Variants in CRMP1 observed in about 807,000 individuals in gnomAD.
CRMP1 encodes dihydropyrimidinase-related protein 1.
In CRMP1, 19 loss-of-function variants were observed where a neutral mutation model predicts 68.3. The observed-to-expected ratio is 0.28, with a 90% CI of 0.19 to 0.41. CRMP1 has a LOEUF of 0.41. Ranked by LOEUF, CRMP1 falls within the 10% of genes least tolerant of loss-of-function variation. CRMP1 has a pLI of 1.00. For synonymous variants in CRMP1, 439 were observed against 399.6 expected (o/e 1.10, Z -1.18); for missense variants, 791 against 967.4 (o/e 0.82, Z 2.42).
Position 5,889,828 on chromosome 4 carries a change from G to C in CRMP1, c.381+2761C>G. Reference sequence around the variant, plus strand: ...GCCAGTCCCCTAATCCAGGGCAGGAGGCCAGAGACACCTGGGCCTTAAAAT... The same window carrying C: ...GCCAGTCCCCTAATCCAGGGCAGGACGCCAGAGACACCTGGGCCTTAAAAT... On this transcript the variant is annotated intron_variant, in intron 1 of 13. Transcript: ENST00000324989. This position sits in a 1 kb window ranked among gnomAD's most constrained non-coding sequence, Gnocchi z 4.5. The C allele has an allele frequency of 6.7e-7, 1 of 1,485,188 alleles. No homozygotes were observed. Among genetic ancestry groups the C allele is most frequent in the Non-Finnish European group, 8.9e-7 (1 of 1,119,756 alleles). The allele number at this position is 1,485,188 out of a possible 1,614,324, so 92.0% of individuals were successfully genotyped here. A position where few individuals can be genotyped will look rare whatever the true frequency, so the allele number is the denominator to read the frequency against.
At chr4:5,867,291 A>G (rs1210896322) in intron 1 of CRMP1, among the ~76,000 whole-genome samples, 1 of 152,184 alleles carries the variant, frequency 6.6e-6, no homozygotes, top group Admixed American at 6.5e-5. Flanking sequence ...CAGGCCCCAC[A>G]GCACACCTGC....
At chr4:5,848,120 T>C (rs1357977557) in intron 6 of CRMP1, among the ~76,000 whole-genome samples, 4 of 151,234 alleles carry the variant, frequency 2.6e-5, no homozygotes, top group Admixed American at 2.6e-4. Context: ...CTTGCTGAAA[T>C]AGAACCTAGC....
chr4:5,865,635 AAAG>A lies in CRMP1; in HGVS notation c.470+1030_470+1032del, dbSNP rs1349506589. ...ACTCCGTCTCAAAAAAAAAAAAAAA[AAAG>A]AAGGCCGCCGCCTACAGACCCCTGC... On this transcript the variant is annotated intron_variant, in intron 2 of 13. Coordinates refer to ENST00000324989, the MANE Select transcript of CRMP1 (RefSeq NM_001014809.3). The surrounding 1 kb of genome is among the most constrained non-coding windows in gnomAD (Gnocchi z 4.1). Among the ~76,000 whole-genome samples the A allele has an allele frequency of 2.0e-5, 3 of 151,688 alleles. No individual in the cohort carries two copies. The highest frequency in any genetic ancestry group is 2.9e-5 in the Non-Finnish European group (2 of 67,920).
intron 13 of CRMP1, among the ~76,000 whole-genome samples, chr4:5,824,046 G>A (rs1424233050): frequency 1.3e-5 from 2 of 152,210 alleles, no homozygotes; most frequent in African/African-American, 4.8e-5. Context: ...GAAACTGAGA[G>A]AACAAGGGTG....
At chr4:5,868,253 CTATATATCTATATATA>C (rs1235071086) in intron 1 of CRMP1, among the ~76,000 whole-genome samples, 22 of 83,134 alleles carry the variant, frequency 2.6e-4, no homozygotes, top group Non-Finnish European at 4.6e-4. Flanking sequence ...TTCTTCATGA[CTATATATCTATATATA>C]TATATATATA....
Position 5,841,428 on chromosome 4 carries a change from G to A in CRMP1, c.1033C>T (p.Leu345=), listed in dbSNP as rs1711717762. The stretch of plus-strand genomic sequence containing the variant: ...GCCCGGAACACCGCCTCGGCCTCCA[G>A]CTGAACACGGCACACACAGTGTCAC... The part of the protein sequence containing the change: ...EGHALSRPEE[L]EAEAVFRAIT... The change falls in exon 8 of 14, where the codon CTG becomes TTG. Residue 345 remains leucine (L), a splice_region_variant and synonymous_variant. Transcript: ENST00000324989. The surrounding 1 kb of genome is among the most constrained non-coding windows in gnomAD (Gnocchi z 6.9). The A allele has an allele frequency of 6.2e-7, 1 of 1,614,126 alleles. No individual in the cohort carries two copies. The highest frequency in any genetic ancestry group is 2.2e-5 in the East Asian group (1 of 44,882).
chr4:5,849,839 T>G (rs1209089541), intron 5 of CRMP1, among the ~76,000 whole-genome samples: 1 of 152,240 alleles, frequency 6.6e-6, no homozygotes, highest in Non-Finnish European at 1.5e-5. Context: ...GAGAAGTCAC[T>G]GTTAGTTTTA....
At position 5,842,428 on chromosome 4, in the gene CRMP1, C is replaced by CAAAA. The variant is rs71171489; in HGVS notation, c.1032+661_1032+664dup. Among the ~76,000 whole-genome samples the CAAAA allele has an allele frequency of 4.0e-5, 4 of 99,086 alleles. No homozygotes were observed. The highest frequency in any genetic ancestry group is 7.2e-5 in the African/African-American group (2 of 27,938). The allele number at this position is 99,086 out of a possible 152,430, so 65.0% of individuals were successfully genotyped here. Reference sequence around the variant, plus strand: ...TGGGCAACAGAGAGAGACTCCATCTCAAAAAAAAAAAAAAAAAAAGAAAAG... The same window carrying CAAAA: ...TGGGCAACAGAGAGAGACTCCATCTCAAAAAAAAAAAAAAAAAAAAAAAGAAAAG... On this transcript the variant is annotated intron_variant, in intron 7 of 13. Coordinates refer to ENST00000324989, the MANE Select transcript of CRMP1 (RefSeq NM_001014809.3). The surrounding 1 kb of genome is among the most constrained non-coding windows in gnomAD (Gnocchi z 4.5).
At chr4:5,849,541 T>C (rs1052734408) in intron 5 of CRMP1, 69 bp from the exon 6 acceptor site, 55 of 1,088,268 alleles carry the variant, frequency 5.1e-5, no homozygotes, top group Non-Finnish European at 7.1e-5. Context: ...TGTGCATTCA[T>C]GAAGACCGTT....
chr4:5,834,330 C>T lies in CRMP1; in HGVS notation c.1623+1585G>A, dbSNP rs142678986. On this transcript the variant is annotated intron_variant, in intron 11 of 13. Transcript: ENST00000324989. The surrounding 1 kb of genome is among the most constrained non-coding windows in gnomAD (Gnocchi z 4.3). ...GCTGATTAGGTCATGAAGGCTCTGC[C>T]CTCATTAATGGTTAATGCTATTATC... is the stretch of plus-strand genomic sequence containing the variant. 1.4e-3 allele frequency among the ~76,000 whole-genome samples: 213 copies of T among 152,252 alleles called. No homozygotes were observed. Among genetic ancestry groups the T allele is most frequent in the Non-Finnish European group, 2.5e-3 (173 of 68,030 alleles).
intron 1 of CRMP1, among the ~76,000 whole-genome samples, chr4:5,886,617 A>T (rs1715606571): frequency 1.3e-5 from 2 of 152,208 alleles, no homozygotes; most frequent in Non-Finnish European, 2.9e-5. Flanking sequence ...TCCACCTTGG[A>T]GACTGGGGAC....
At chr4:5,876,166 A>C (rs1714815899) in intron 1 of CRMP1, among the ~76,000 whole-genome samples, 2 of 151,774 alleles carry the variant, frequency 1.3e-5, no homozygotes, top group Non-Finnish European at 2.9e-5. Context: ...AAAAAAAAAA[A>C]GTTTTGTTTC....
At position 5,877,539 on chromosome 4, in the gene CRMP1, C is replaced by T. The variant is rs539523223; in HGVS notation, c.382-10783G>A. On this transcript the variant is annotated intron_variant, in intron 1 of 13. Transcript: ENST00000324989. The surrounding 1 kb of genome is among the most constrained non-coding windows in gnomAD (Gnocchi z 4.3). ...ACCATCCATTTGCCTTTGATTTTGC[C>T]TCCGGGGACGACAGCCTGTCAGCCA... 6.6e-6 allele frequency among the ~76,000 whole-genome samples: 1 copy of T among 152,334 alleles called. No individual in the cohort carries two copies. The highest frequency in any genetic ancestry group is 1.9e-4 in the East Asian group (1 of 5,178).
intron 9 of CRMP1, 138 bp from the exon 10 acceptor site, chr4:5,837,044 G>T: frequency 1.0e-6 from 1 of 955,090 alleles, no homozygotes; most frequent in Non-Finnish European, 1.5e-6. Context: ...AGACTCTCTA[G>T]CGTGTGCCTG....
At chr4:5,862,591 A>G (rs1713659134) in intron 2 of CRMP1, among the ~76,000 whole-genome samples, 1 of 152,212 alleles carries the variant, frequency 6.6e-6, no homozygotes, top group Non-Finnish European at 1.5e-5. Context: ...GCTCACAACC[A>G]GCTCTAACAG....
chr4:5,829,219 C>T (rs1001126799), intron 11 of CRMP1, among the ~76,000 whole-genome samples: 2 of 152,014 alleles, frequency 1.3e-5, no homozygotes, highest in Non-Finnish European at 2.9e-5. Flanking sequence ...GACAAAATAA[C>T]ATTTCCTTTA....
In CRMP1 at chr4:5,826,036, C is replaced by G. The variant is rs146085793; in HGVS notation, c.1804-377G>C. 4 of 306,278 alleles carry G rather than the reference C, an allele frequency of 1.3e-5. No homozygotes were observed. In the Admixed American group the frequency reaches 1.7e-4, roughly 13 times the overall value. The allele number at this position is 306,278 out of a possible 1,614,324, so 19.0% of individuals were successfully genotyped here. On this transcript the variant is annotated intron_variant, in intron 12 of 13. Coordinates refer to ENST00000324989, the MANE Select transcript of CRMP1 (RefSeq NM_001014809.3). ...ACACACACTTAAATCACATACAGAT[C>G]TTCACAAAGGCATACTCACATATGT...
rs1287347482 is a variant in CRMP1 at position 5,841,445 on chromosome 4, C to T, written c.1033-17G>A. 2 of 1,613,396 alleles carry T rather than the reference C, an allele frequency of 1.2e-6. No homozygotes were observed. The highest frequency in any genetic ancestry group is 1.7e-6 in the Non-Finnish European group (2 of 1,179,514). ...GGCCTCCAGCTGAACACGGCACACA[C>T]AGTGTCACAGGAGGGAAGGCTGGTG... On this transcript the variant is annotated splice_polypyrimidine_tract_variant and intron_variant, in intron 7 of 13. Coordinates refer to ENST00000324989, the MANE Select transcript of CRMP1 (RefSeq NM_001014809.3). This position sits in a 1 kb window ranked among gnomAD's most constrained non-coding sequence, Gnocchi z 6.9.
At position 5,842,947 on chromosome 4, in the gene CRMP1, C is replaced by T; in HGVS notation, c.1032+146G>A. On this transcript the variant is annotated intron_variant, in intron 7 of 13. Coordinates refer to ENST00000324989, the MANE Select transcript of CRMP1 (RefSeq NM_001014809.3). The surrounding 1 kb of genome is among the most constrained non-coding windows in gnomAD (Gnocchi z 4.5). ...CTCCAGCCAGCAGTCCCCAGGGTTC[C>T]CGGGGAAAACAAGATGGTTTGGGAT... 1.3e-6 allele frequency: 1 copy of T among 758,452 alleles called. No homozygotes were observed. 47.0% of individuals were successfully genotyped at this position (758,452 alleles called of 1,614,324 possible).
Sources: allele counts gnomAD v4.1 joint callset (sites outside exome capture counted in the v4.1 genomes callset), GRCh38; gene constraint gnomAD v4.1.1; non-coding constraint Gnocchi (gnomAD v3.1); transcripts MANE v1.5; gene names NCBI Gene and HGNC (gene_info 2026-07-23, HGNC 2026-07-21).